TECTA: variants seen among roughly 807,000 people sequenced by gnomAD.
The protein encoded by TECTA is alpha-tectorin.
Under a neutral mutation model 216.8 loss-of-function variants are expected in TECTA, and 128 were observed. The observed-to-expected ratio is 0.59, with a 90% CI of 0.51 to 0.68. The LOEUF (loss-of-function observed/expected upper bound fraction) is 0.68. TECTA is among the 30% of genes least tolerant of loss of function. TECTA has a pLI of 0.00. For synonymous variants in TECTA, 1,089 were observed against 1,117.1 expected (o/e 0.97, Z 0.50); for missense variants, 2,551 against 2,786.2 (o/e 0.92, Z 1.90).
In TECTA at chr11:121,125,435, C is replaced by T; in HGVS notation, c.1337C>T (p.Ser446Phe). 1 of 1,614,216 alleles carries T rather than the reference C, an allele frequency of 6.2e-7. No individual in the cohort carries two copies. Among genetic ancestry groups the T allele is most frequent in the Non-Finnish European group, 8.5e-7 (1 of 1,180,044 alleles). Residue 446 changes from serine to phenylalanine, a missense_variant, in exon 8 of 24, where the codon TCC becomes TTC. Coordinates refer to ENST00000392793, the MANE Select transcript of TECTA (RefSeq NM_005422.4). ...LVTFDGQHYA[S>F]ISVPGSYINS... Reference sequence around the variant, plus strand: ...ACTTTTGATGGCCAGCACTACGCCTCCATTTCCGTCCCAGGCTCCTATATA... The same window carrying T: ...ACTTTTGATGGCCAGCACTACGCCTTCATTTCCGTCCCAGGCTCCTATATA...
chr11:121,171,429 A>G (rs1947111349), intron 20 of TECTA, among the ~76,000 whole-genome samples: 1 of 151,994 alleles, frequency 6.6e-6, no homozygotes. Flanking sequence ...GCTTTATACA[A>G]ATTTTAGGAT....
intron 16 of TECTA, among the ~76,000 whole-genome samples, chr11:121,164,477 C>A (rs584355): frequency 0.47 from 71,273 of 152,000 alleles, 19,718 homozygotes; most frequent in African/African-American, 0.78. Context: ...ATCTAAAAGA[C>A]AATGCTCCTA....
chr11:121,155,037 C>T (rs949387118), intron 13 of TECTA, among the ~76,000 whole-genome samples: 1 of 152,152 alleles, frequency 6.6e-6, no homozygotes, highest in East Asian at 1.9e-4. Context: ...AGCTTACATC[C>T]GGGAAGCAGC....
At chr11:121,109,871 T>TG (rs1202787351) in intron 4 of TECTA, 1 of 264,334 alleles carries the variant, frequency 3.8e-6, no homozygotes, top group Non-Finnish European at 7.3e-6. Flanking sequence ...CCTTTTCTCT[T>TG]GCCCGAGGTA....
chr11:121,162,898 G>T (rs530691602), intron 16 of TECTA, among the ~76,000 whole-genome samples: 35 of 152,208 alleles, frequency 2.3e-4, no homozygotes, highest in Admixed American at 7.2e-4. Context: ...ATCTTGTGGG[G>T]TTTTTTCTGT....
chr11:121,178,787 C>T (rs1269199011), intron 20 of TECTA, among the ~76,000 whole-genome samples: 1 of 152,034 alleles, frequency 6.6e-6, no homozygotes, highest in Non-Finnish European at 1.5e-5. Flanking sequence ...AGTTATTGGT[C>T]TGTTCAGGTT....
chr11:121,119,188 C>T (rs1490051567), intron 7 of TECTA, among the ~76,000 whole-genome samples: 5 of 152,124 alleles, frequency 3.3e-5, no homozygotes, highest in Non-Finnish European at 7.3e-5. Context: ...CCCACCTCAG[C>T]CCCAATTCTG....
chr11:121,165,462 C>T, intron 17 of TECTA, 79 bp downstream of exon 17: 1 of 1,206,726 alleles, frequency 8.3e-7, no homozygotes, highest in Non-Finnish European at 1.2e-6. Flanking sequence ...TGATGCATCC[C>T]ACTTTGTGAA....
chr11:121,126,298 C>T (rs937533134), intron 8 of TECTA, among the ~76,000 whole-genome samples: 1 of 152,208 alleles, frequency 6.6e-6, no homozygotes, highest in African/African-American at 2.4e-5. Context: ...TTGTTCCTGG[C>T]ACTTTCTTCT....
chr11:121,123,285 CT>C (rs1258901414), intron 7 of TECTA, among the ~76,000 whole-genome samples: 6 of 152,190 alleles, frequency 3.9e-5, no homozygotes, highest in Non-Finnish European at 5.9e-5. Context: ...AATTAATTCT[CT>C]CTCTTTGAGG....
At chr11:121,185,269 C>T (rs484314) in intron 20 of TECTA, among the ~76,000 whole-genome samples, 2 of 152,030 alleles carry the variant, frequency 1.3e-5, no homozygotes, top group Admixed American at 6.6e-5. Flanking sequence ...TTTAGGGAAA[C>T]CAGATGTTCA....
Position 121,158,917 on chromosome 11 carries a change from G to A in TECTA, c.4689+693G>A, listed in dbSNP as rs529382944. On this transcript the variant is annotated intron_variant, in intron 14 of 23. Coordinates refer to ENST00000392793, the MANE Select transcript of TECTA (RefSeq NM_005422.4). ...TCCTCCCACCCCTTCCATTTAAGAAGAGCATCTGCTCAGATGCACTGTTGA... is the reference window on the plus strand; with the variant it reads ...TCCTCCCACCCCTTCCATTTAAGAAAAGCATCTGCTCAGATGCACTGTTGA... Among the ~76,000 whole-genome samples the A allele has an allele frequency of 3.7e-4, 57 of 152,192 alleles. 2 individuals carry two copies. The South Asian group carries it at 0.011, about 28-fold the overall frequency.
At chr11:121,160,104 G>C (rs763552528) in intron 14 of TECTA, 31 bp from the exon 15 acceptor site, 53 of 1,613,972 alleles carry the variant, frequency 3.3e-5, no homozygotes, top group Non-Finnish European at 2.8e-5. Context: ...TACTCTAAGC[G>C]TAATTATTTT....
At position 121,129,928 on chromosome 11, in the gene TECTA, T is replaced by C; in HGVS notation, c.2658T>C (p.Asn886=). 1 of 1,612,720 alleles carries C rather than the reference T, an allele frequency of 6.2e-7. No homozygotes were observed. The highest frequency in any genetic ancestry group is 8.5e-7 in the Non-Finnish European group (1 of 1,179,070). ...ESWTTFEEIC[N]GECGDLLKAC... ...GGACAACTTTCGAGGAGATCTGCAA[T>C]GGAGAGTGTGGGGACCTGCTGAAGG... The change falls in exon 10 of 24, where the codon AAT becomes AAC. Residue 886 remains asparagine (N), a synonymous_variant. Transcript: ENST00000392793.
chr11:121,157,994 T>A lies in TECTA; in HGVS notation c.4459T>A (p.Cys1487Ser). 1 of 1,613,284 alleles carries A rather than the reference T, an allele frequency of 6.2e-7. No individual in the cohort carries two copies. The highest frequency in any genetic ancestry group is 8.5e-7 in the Non-Finnish European group (1 of 1,179,946). The change falls in exon 14 of 24, where the codon TGC becomes AGC. Residue 1487 changes from cysteine to serine, a missense_variant. Cys to Ser is a moderately radical substitution (Grantham distance 112). Coordinates refer to ENST00000392793, the MANE Select transcript of TECTA (RefSeq NM_005422.4). ...CTGCTTCAGCACCAAGACCTCCTACTGCCTGGCGGCCGGCGGCGGCGTCTT... is the reference window on the plus strand; with the variant it reads ...CTGCTTCAGCACCAAGACCTCCTACAGCCTGGCGGCCGGCGGCGGCGTCTT... ...RGCFSTKTSY[C>S]LAAGGGVFRT... is the part of the protein sequence containing the mutation.
intron 20 of TECTA, among the ~76,000 whole-genome samples, chr11:121,177,695 G>A (rs1438189539): frequency 1.3e-5 from 2 of 152,232 alleles, no homozygotes; most frequent in Non-Finnish European, 2.9e-5. Flanking sequence ...GAGAACCACT[G>A]CTCCCTTCAA....
chr11:121,107,514 G>C (rs984825235), intron 3 of TECTA, among the ~76,000 whole-genome samples: 1 of 152,168 alleles, frequency 6.6e-6, no homozygotes, highest in Non-Finnish European at 1.5e-5. Context: ...TTGATAACTT[G>C]CCTCTGGGAT....
rs1947055601 is a variant in TECTA at position 121,166,624 on chromosome 11, A to G, written c.5430A>G (p.Gln1810=). ...CAGAGGTGACCTGCAAAGCAGCCCA[A>G]ATGGAAGTGTCCATATCTAAGTGCA... ...IDAEVTCKAA[Q]MEVSISKCKL... The change falls in exon 18 of 24, where the codon CAA becomes CAG. Residue 1810 remains glutamine (Q), a synonymous_variant. Transcript: ENST00000392793. 1 of 1,614,196 alleles carries G rather than the reference A, an allele frequency of 6.2e-7. No individual in the cohort carries two copies. The highest frequency in any genetic ancestry group is 1.3e-5 in the African/African-American group (1 of 75,054).
rs749603214 is a variant in TECTA, at chr11:121,118,484, G to A, written c.969G>A (p.Val323=). ...GCGCTGTGGAGACCAGCACATGCGT[G>A]GTGTTTGGGGAGCCACACTACCACA... ...YCSAVETSTC[V]VFGEPHYHTF... The change falls in exon 7 of 24, where the codon GTG becomes GTA. Residue 323 remains valine, a synonymous_variant. Transcript: ENST00000392793. The A allele has an allele frequency of 1.2e-6, 2 of 1,614,200 alleles. No homozygotes were observed. Among genetic ancestry groups the A allele is most frequent in the African/African-American group, 2.7e-5 (2 of 75,044 alleles).
Sources: allele counts gnomAD v4.1 joint callset (sites outside exome capture counted in the v4.1 genomes callset), GRCh38; gene constraint gnomAD v4.1.1; transcripts MANE v1.5; gene names NCBI Gene and HGNC (gene_info 2026-07-23, HGNC 2026-07-21).